SOX6: variants seen among roughly 807,000 people sequenced by gnomAD.
The protein encoded by SOX6 is transcription factor SOX-6.
SOX6 carries 11 observed loss-of-function variants against 97.8 expected under a neutral mutation model. The ratio of observed to expected loss-of-function variants is 0.11; its 90% confidence interval spans 0.07 to 0.19. The LOEUF is 0.19. SOX6 is among the 10% of genes least tolerant of loss of function. The pLI is 1.00. For synonymous variants in SOX6, 360 were observed against 371.4 expected, an observed-to-expected ratio of 0.97 and a Z score of 0.35; for missense variants, 810 against 1,039.5, an observed-to-expected ratio of 0.78 and a Z score of 3.04.
chr11:15,997,797 T>C (rs940659551), intron 13 of SOX6, among the ~76,000 whole-genome samples: 1 of 152,180 alleles, frequency 6.6e-6, no homozygotes, highest in Non-Finnish European at 1.5e-5. Context: ...CTCACCATTG[T>C]TAATCAACAA....
chr11:16,291,908 G>C (rs1854929678), intron 3 of SOX6, among the ~76,000 whole-genome samples: 1 of 152,046 alleles, frequency 6.6e-6, no homozygotes, highest in African/African-American at 2.4e-5. Flanking sequence ...TAATATTGGG[G>C]ATGTTTCTTT....
intron 6 of SOX6, among the ~76,000 whole-genome samples, chr11:16,182,065 TGTA>T (rs1174259069): frequency 4.6e-5 from 7 of 151,798 alleles, no homozygotes; most frequent in African/African-American, 7.2e-5. Context: ...CTGAAAAAGA[TGTA>T]GTCAATTTAT....
At chr11:16,665,774 A>G (rs779754097) in intron 3 of SOX6, among the ~76,000 whole-genome samples, 8 of 152,226 alleles carry the variant, frequency 5.3e-5, no homozygotes, top group African/African-American at 9.6e-5. Context: ...GACCCAGTGC[A>G]GTCGCAGTGG....
intron 13 of SOX6, among the ~76,000 whole-genome samples, chr11:16,010,076 G>A (rs34569224): frequency 0.43 from 62,996 of 148,194 alleles, 13,605 homozygotes; most frequent in East Asian, 0.63. Context: ...AGCTTAAGCC[G>A]AAAATAAAAA....
chr11:16,502,908 C>T (rs4132853), intron 4 of SOX6, among the ~76,000 whole-genome samples: 14,801 of 152,134 alleles, frequency 0.097, 832 homozygotes, highest in Non-Finnish European at 0.13. Context: ...GTCTTCTCCA[C>T]GGTACATTAT....
intron 1 of SOX6, among the ~76,000 whole-genome samples, chr11:16,447,443 T>TTCTCTCTCTCTC (rs142888152): frequency 2.2e-4 from 33 of 150,116 alleles, no homozygotes; most frequent in African/African-American, 7.6e-4. Flanking sequence ...CTCCTTCGAT[T>TTCTCTCTCTCTC]TCTCTCTCTC....
chr11:16,066,504 T>C (rs896646557), intron 9 of SOX6, among the ~76,000 whole-genome samples: 4 of 152,180 alleles, frequency 2.6e-5, no homozygotes, highest in Non-Finnish European at 5.9e-5. Context: ...GCAATCTAAG[T>C]GTCCATCAAC....
At chr11:16,391,818 G>A (rs1858192774) in intron 1 of SOX6, among the ~76,000 whole-genome samples, 1 of 152,082 alleles carries the variant, frequency 6.6e-6, no homozygotes, top group African/African-American at 2.4e-5. Context: ...AGTGCTAGGT[G>A]CCTTTATCTT....
intron 9 of SOX6, among the ~76,000 whole-genome samples, chr11:16,071,214 CT>C (rs1848216290): frequency 6.6e-6 from 1 of 152,096 alleles, no homozygotes. Context: ...AGTGGTCTCA[CT>C]TCAGCCTGAA....
At chr11:16,282,592 A>G (rs971686811) in intron 3 of SOX6, among the ~76,000 whole-genome samples, 1 of 151,572 alleles carries the variant, frequency 6.6e-6, no homozygotes, top group Non-Finnish European at 1.5e-5. Flanking sequence ...GGTTAAAAAA[A>G]CACATTTCCA....
chr11:16,609,470 A>T (rs932427122), intron 4 of SOX6, among the ~76,000 whole-genome samples: 1 of 152,252 alleles, frequency 6.6e-6, no homozygotes, highest in Non-Finnish European at 1.5e-5. Context: ...GGACCAAAAG[A>T]GGAGTCAGGA....
chr11:16,514,891 G>C (rs900962717), intron 4 of SOX6, among the ~76,000 whole-genome samples: 1 of 151,388 alleles, frequency 6.6e-6, no homozygotes, highest in Non-Finnish European at 1.5e-5. Context: ...ATTTTTTATG[G>C]CTGCATAGTA....
At chr11:16,329,374 A>T (rs910268465) in intron 2 of SOX6, among the ~76,000 whole-genome samples, 3 of 152,318 alleles carry the variant, frequency 2.0e-5, no homozygotes, top group Non-Finnish European at 4.4e-5. Context: ...TGCATTATCT[A>T]TACACTACCA....
At chr11:16,591,531 T>C (rs185837605) in intron 4 of SOX6, among the ~76,000 whole-genome samples, 13 of 152,274 alleles carry the variant, frequency 8.5e-5, no homozygotes, top group Admixed American at 7.8e-4. Context: ...AAAACATGTT[T>C]GAAAATGATT....
At chr11:16,706,449 C>CCAAAAA (rs1848132938) in intron 3 of SOX6, among the ~76,000 whole-genome samples, 1 of 2,450 alleles carries the variant, frequency 4.1e-4, no homozygotes, top group Admixed American at 0.011. Flanking sequence ...GAACCTATCA[C>CCAAAAA]AAAAAAAAAA....
intron 1 of SOX6, among the ~76,000 whole-genome samples, chr11:16,445,098 T>C (rs1859585545): frequency 6.6e-6 from 1 of 152,214 alleles, no homozygotes; most frequent in African/African-American, 2.4e-5. Context: ...GATAGCATTA[T>C]ATGATTCTAA....
chr11:16,726,180 G>A (rs995832893), intron 2 of SOX6, among the ~76,000 whole-genome samples: 4 of 146,290 alleles, frequency 2.7e-5, no homozygotes, highest in South Asian at 4.3e-4. Context: ...AGGCCAAGGC[G>A]GGAGGATTAC....
At chr11:16,635,666 T>G (rs1444715210) in intron 3 of SOX6, among the ~76,000 whole-genome samples, 1 of 152,070 alleles carries the variant, frequency 6.6e-6, no homozygotes, top group African/African-American at 2.4e-5. Context: ...ATCAGACACT[T>G]CACAGCTGCC....
At chr11:16,302,730 C>T (rs1855301802) in intron 3 of SOX6, among the ~76,000 whole-genome samples, 1 of 151,842 alleles carries the variant, frequency 6.6e-6, no homozygotes, top group South Asian at 2.1e-4. Flanking sequence ...CCACCACACC[C>T]AACTAATTTT....
Sources: gnomAD v4.1 joint callset for allele counts (sites outside exome capture counted in the v4.1 genomes callset) on GRCh38, gnomAD v4.1.1 for gene constraint, MANE v1.5 for transcripts, NCBI Gene and HGNC (gene_info 2026-07-23, HGNC 2026-07-21) for gene names.